The following GCNT2 variants were observed in gnomAD, a reference collection of about 807,000 sequenced individuals.
The protein encoded by GCNT2 is N-acetyllactosaminide beta-1,6-N-acetylglucosaminyl-transferase.
GCNT2 carries 34 observed loss-of-function variants against 34.2 expected under a neutral mutation model. The ratio of observed to expected loss-of-function variants is 1.00; its 90% CI spans 0.76 to 1.32. The LOEUF (loss-of-function observed/expected upper bound fraction) is 1.32, where lower values mean the gene tolerates loss of function less well. Ranked by LOEUF, GCNT2 falls within the 40% of genes most tolerant of loss-of-function variation. The pLI, the probability that GCNT2 is intolerant of heterozygous loss-of-function variation, is 0.00. For missense variants in GCNT2, 584 were observed against 489.4 expected (o/e 1.19, Z -1.82); for synonymous variants, 212 against 188.0 (o/e 1.13, Z -1.04).
intron 3 of GCNT2, chr6:10,556,715 A>G (rs1393130309): frequency 6.2e-7 from 1 of 1,614,216 alleles, no homozygotes; most frequent in Admixed American, 1.7e-5. Context: ...CTTGGCATAT[A>G]TAATGGTCAT....
chr6:10,552,365 T>A (rs1447580427), intron 3 of GCNT2, among the ~76,000 whole-genome samples: 8 of 151,994 alleles, frequency 5.3e-5, no homozygotes, highest in Non-Finnish European at 2.9e-5. Flanking sequence ...CAGCACTCTG[T>A]TTCCCCAGGT....
At chr6:10,568,372 C>G (rs918329811) in intron 3 of GCNT2, among the ~76,000 whole-genome samples, 1 of 152,170 alleles carries the variant, frequency 6.6e-6, no homozygotes, top group Non-Finnish European at 1.5e-5. Context: ...CCAGCCAGCA[C>G]ATTCCATACG....
intron 4 of GCNT2, 25 bp from the exon 5 acceptor site, chr6:10,626,392 C>G: frequency 1.3e-6 from 2 of 1,563,954 alleles, no homozygotes; most frequent in Non-Finnish European, 1.8e-6. Context: ...TGTTTTGACT[C>G]TGTTTCTTGT....
At chr6:10,581,717 A>G (rs968595857) in intron 3 of GCNT2, 46 of 983,312 alleles carry the variant, frequency 4.7e-5, no homozygotes, top group Non-Finnish European at 5.6e-5. Flanking sequence ...TGTAGGATCA[A>G]GGCTTGAGGC....
chr6:10,571,293 A>G (rs892500991), intron 3 of GCNT2, among the ~76,000 whole-genome samples: 2 of 152,164 alleles, frequency 1.3e-5, no homozygotes, highest in Non-Finnish European at 2.9e-5. Context: ...GAGGGAAGGG[A>G]GTTTAGAAAC....
intron 3 of GCNT2, among the ~76,000 whole-genome samples, chr6:10,535,711 A>C (rs892707801): frequency 6.6e-6 from 1 of 152,220 alleles, no homozygotes; most frequent in African/African-American, 2.4e-5. Flanking sequence ...TTTCAAACTC[A>C]CATTAAAATA....
At chr6:10,582,462 AATAT>A (rs1171240168) in intron 3 of GCNT2, among the ~76,000 whole-genome samples, 1 of 121,728 alleles carries the variant, frequency 8.2e-6, no homozygotes, top group East Asian at 2.0e-4. Flanking sequence ...ATATATAATA[AATAT>A]AATATATACT....
rs1350780243 is a variant in GCNT2 at position 10,587,313 on chromosome 6, A to G, written c.926-34038A>G. 2.6e-5 allele frequency among the ~76,000 whole-genome samples: 4 copies of G among 152,344 alleles called. No homozygotes were observed. The East Asian group carries it at 7.7e-4, about 29-fold the overall frequency. ...TGTTAGACATCGCTTTCATTGATGCAGTCTCATTGCTCAAAGTTCATGGAG... is the reference window on the plus strand; with the variant it reads ...TGTTAGACATCGCTTTCATTGATGCGGTCTCATTGCTCAAAGTTCATGGAG... On this transcript the variant is annotated intron_variant, in intron 3 of 4. Transcript: ENST00000495262.
chr6:10,579,344 T>C (rs535699903), intron 3 of GCNT2, among the ~76,000 whole-genome samples: 68 of 152,340 alleles, frequency 4.5e-4, no homozygotes, highest in African/African-American at 1.6e-3. Flanking sequence ...AAATAGAATG[T>C]GCAGAATATA....
intron 3 of GCNT2, among the ~76,000 whole-genome samples, chr6:10,603,115 A>C (rs1444843196): frequency 6.6e-6 from 1 of 152,214 alleles, no homozygotes; most frequent in Non-Finnish European, 1.5e-5. Context: ...GAATCCAATA[A>C]AACTTAAGTC....
intron 3 of GCNT2, among the ~76,000 whole-genome samples, chr6:10,551,788 G>A (rs1049017700): frequency 8.7e-5 from 13 of 148,908 alleles, no homozygotes; most frequent in African/African-American, 1.5e-4. Flanking sequence ...ACGCAGTTTC[G>A]CTCTTGTCAC....
At chr6:10,534,422 C>T (rs115251087) in intron 3 of GCNT2, among the ~76,000 whole-genome samples, 338 of 152,180 alleles carry the variant, frequency 2.2e-3, no homozygotes, top group Admixed American at 9.8e-3. Context: ...AGGCGTGAGC[C>T]ACTGTGCCTG....
In GCNT2 at chr6:10,578,207, G is replaced by A. The variant is rs1191307742; in HGVS notation, c.926-43144G>A. ...GGAGTTCGAGACCAGCCTAGCCAAC[G>A]TAGTGAAACCCCGTGTCTAATAAAA... On this transcript the variant is annotated intron_variant, in intron 3 of 4. Transcript: ENST00000495262. Among the ~76,000 whole-genome samples, 5 of 151,590 alleles carry A rather than the reference G, an allele frequency of 3.3e-5. 1 individual carries two copies. Among genetic ancestry groups the A allele is most frequent in the East Asian group, 2.0e-4 (1 of 4,978 alleles).
intron 3 of GCNT2, among the ~76,000 whole-genome samples, chr6:10,608,130 T>G (rs1581477719): frequency 6.9e-6 from 1 of 145,742 alleles, no homozygotes; most frequent in East Asian, 2.0e-4. Context: ...CAGGCTGGAG[T>G]GCAGTGGCAC....
At chr6:10,617,180 G>A (rs1376685195) in intron 3 of GCNT2, among the ~76,000 whole-genome samples, 3 of 152,286 alleles carry the variant, frequency 2.0e-5, no homozygotes, top group South Asian at 2.1e-4. Flanking sequence ...AGACATGGCC[G>A]GCTGCAGGTG....
intron 3 of GCNT2, among the ~76,000 whole-genome samples, chr6:10,579,826 CAAAAAAAAAAAA>C (rs61490868): frequency 1.4e-4 from 13 of 89,914 alleles, no homozygotes; most frequent in South Asian, 7.9e-4. Flanking sequence ...AAAAAACAAA[CAAAAAAAAAAAA>C]AAAAAAAAAA....
chr6:10,540,137 AAGGAAGAG>A (rs915890905), intron 3 of GCNT2, among the ~76,000 whole-genome samples: 13 of 152,050 alleles, frequency 8.5e-5, no homozygotes, highest in African/African-American at 2.4e-4. Flanking sequence ...GGAAGGAAGG[AAGGAAGAG>A]AGGGAGAGAG....
At chr6:10,601,465 A>G (rs73434949) in intron 3 of GCNT2, among the ~76,000 whole-genome samples, 5,595 of 152,276 alleles carry the variant, frequency 0.037, 330 homozygotes, top group African/African-American at 0.12. Flanking sequence ...ATACAAGAGC[A>G]TCATGGTGAG....
chr6:10,556,360 G>A, intron 3 of GCNT2: 1 of 1,608,636 alleles, frequency 6.2e-7, no homozygotes, highest in Non-Finnish European at 8.5e-7. Context: ...AGAGAAACGA[G>A]TGAGTTTGGA....
Sources: allele counts gnomAD v4.1 joint callset (sites outside exome capture counted in the v4.1 genomes callset), GRCh38; gene constraint gnomAD v4.1.1; transcripts MANE v1.5; gene names NCBI Gene and HGNC (gene_info 2026-07-23, HGNC 2026-07-21).